Variants in SPACA6 observed in about 807,000 individuals in gnomAD.
The protein encoded by SPACA6 is sperm acrosome associated 6.
For missense variants in SPACA6, 8 were observed against 2.8 expected, an observed-to-expected ratio of 2.88 and a Z score of -1.34; for synonymous variants, 6 against 1.5, an observed-to-expected ratio of 4.05 and a Z score of -2.21.
chr19:51,700,825 T>C (rs546666369), intron 2 of SPACA6, among the ~76,000 whole-genome samples: 2 of 152,152 alleles, frequency 1.3e-5, no homozygotes, highest in South Asian at 4.2e-4. Context: ...CTTGGTTAGA[T>C]TTGTGGTGAT....
upstream of SPACA6, among the ~76,000 whole-genome samples, chr19:51,688,727 G>T (rs1054030315): frequency 6.6e-6 from 1 of 151,990 alleles, no homozygotes; most frequent in Non-Finnish European, 1.5e-5. Flanking sequence ...GAAAAGGGAA[G>T]AATAAATGGG....
intron 2 of SPACA6, among the ~76,000 whole-genome samples, chr19:51,698,774 T>C (rs954029866): frequency 6.6e-5 from 10 of 152,230 alleles, no homozygotes; most frequent in Admixed American, 6.5e-4. Context: ...GTCCCTGCAA[T>C]GGCTTTAAGC....
intron 2 of SPACA6, among the ~76,000 whole-genome samples, chr19:51,711,431 T>C (rs2083540821): frequency 6.6e-6 from 1 of 152,218 alleles, no homozygotes; most frequent in African/African-American, 2.4e-5. Context: ...CCCTCATACA[T>C]TGCTGGTGGG....
downstream of SPACA6, among the ~76,000 whole-genome samples, chr19:51,706,218 A>G (rs114870746): frequency 6.8e-3 from 1,034 of 151,870 alleles, 6 homozygotes; most frequent in African/African-American, 0.021. Flanking sequence ...CCTTCCTCGC[A>G]TTCATCATGA....
At chr19:51,684,590 A>C (rs991113253), upstream of SPACA6, among the ~76,000 whole-genome samples, 11 of 152,232 alleles carry the variant, frequency 7.2e-5, no homozygotes, top group Non-Finnish European at 1.2e-4. Context: ...ATGGTGTAAT[A>C]GGAGAATCTG....
intron 2 of SPACA6, among the ~76,000 whole-genome samples, chr19:51,697,147 T>G (rs1027466321): frequency 2.6e-5 from 4 of 152,176 alleles, no homozygotes; most frequent in Admixed American, 2.6e-4. Context: ...GAACACTCTT[T>G]GAGAATCACT....
intron 2 of SPACA6, among the ~76,000 whole-genome samples, chr19:51,698,372 C>A (rs16982931): frequency 6.6e-6 from 1 of 152,082 alleles, no homozygotes; most frequent in Non-Finnish European, 1.5e-5. Flanking sequence ...TTGGCCTGTT[C>A]GGAACATTTC....
At chr19:51,699,290 C>T (rs1321679953) in intron 2 of SPACA6, among the ~76,000 whole-genome samples, 1 of 152,118 alleles carries the variant, frequency 6.6e-6, no homozygotes. Context: ...ATTCCAGGTG[C>T]GGTACCACCT....
exon 3 of SPACA6, chr19:51,712,090 A>T (rs7252595): frequency 6.6e-6 from 1 of 152,102 alleles, no homozygotes; most frequent in Non-Finnish European, 1.5e-5. Context: ...CAGCTCACTG[A>T]AACCTCTGCC....
chr19:51,688,958 G>C (rs2083344562), upstream of SPACA6, among the ~76,000 whole-genome samples: 1 of 151,958 alleles, frequency 6.6e-6, no homozygotes, highest in South Asian at 2.1e-4. Context: ...GGGAGAGAGA[G>C]AGCGAGAGAG....
At chr19:51,693,136 T>C, upstream of SPACA6, 2 of 415,962 alleles carry the variant, frequency 4.8e-6, no homozygotes, top group Non-Finnish European at 4.8e-6. Flanking sequence ...CCGATATCTC[T>C]CTGTGTCTCT....
chr19:51,693,843 T>G, intron 1 of SPACA6, 103 bp downstream of exon 1: 1 of 400,638 alleles, frequency 2.5e-6, no homozygotes, highest in Non-Finnish European at 4.4e-6. Flanking sequence ...AGAGAAACAG[T>G]CAGAGGAGAA....
upstream of SPACA6, among the ~76,000 whole-genome samples, chr19:51,691,176 A>C (rs1374828633): frequency 7.1e-6 from 1 of 141,032 alleles, no homozygotes. Flanking sequence ...TCGAGCTGCG[A>C]GGGGGAGGGA....
At chr19:51,707,222 C>T (rs572889328), downstream of SPACA6, among the ~76,000 whole-genome samples, 2 of 142,524 alleles carry the variant, frequency 1.4e-5, no homozygotes, top group Middle Eastern at 3.3e-3. Context: ...AACTGTTTCT[C>T]TCTCTCCCTT....
downstream of SPACA6, among the ~76,000 whole-genome samples, chr19:51,707,562 T>C (rs965327589): frequency 2.0e-5 from 3 of 152,158 alleles, no homozygotes; most frequent in East Asian, 5.8e-4. Context: ...TGACACTACA[T>C]GTATGGGATT....
rs772824512 is a variant in SPACA6 at position 51,703,894 on chromosome 19, G to C, written c.574-136G>C. On this transcript the variant is annotated intron_variant, in intron 6 of 8. Transcript: ENST00000637797. This position sits in a 1 kb window ranked among gnomAD's most constrained non-coding sequence, Gnocchi z 4.2. Reference sequence around the variant, plus strand: ...GGGAAGGGGTGCGTTTAGGGCAGGGGAGCGAGAAGGCTCGGGGGCGGGCTC... The same window carrying C: ...GGGAAGGGGTGCGTTTAGGGCAGGGCAGCGAGAAGGCTCGGGGGCGGGCTC... 7.5e-6 allele frequency: 3 copies of C among 397,668 alleles called. No individual in the cohort carries two copies. The highest frequency in any genetic ancestry group is 1.3e-5 in the Non-Finnish European group (3 of 226,030). 24.6% of individuals were successfully genotyped at this position (397,668 alleles called of 1,614,324 possible). A position where few individuals can be genotyped will look rare whatever the true frequency, so the allele number is the denominator to read the frequency against.
downstream of SPACA6, among the ~76,000 whole-genome samples, chr19:51,708,487 C>T (rs112049741): frequency 2.5e-3 from 380 of 152,206 alleles, 6 homozygotes; most frequent in African/African-American, 8.7e-3. Flanking sequence ...TGAATAAAAA[C>T]TTGAAGGGGA....
intron 2 of SPACA6, 57 bp downstream of exon 2, chr19:51,694,612 G>C (rs1211241882): frequency 5.0e-6 from 2 of 399,380 alleles, no homozygotes; most frequent in African/African-American, 4.1e-5. Flanking sequence ...CTAAGAAATG[G>C]GTATGTGGGA....
upstream of SPACA6, among the ~76,000 whole-genome samples, chr19:51,684,432 C>G (rs1447763792): frequency 3.9e-5 from 6 of 152,284 alleles, no homozygotes; most frequent in East Asian, 1.2e-3. Flanking sequence ...CACCCATTTT[C>G]CCATGCCCTT....
Sources: gnomAD v4.1 joint callset for allele counts (sites outside exome capture counted in the v4.1 genomes callset) on GRCh38, gnomAD v4.1.1 for gene constraint, Gnocchi (gnomAD v3.1) non-coding constraint, MANE v1.5 for transcripts, NCBI Gene and HGNC (gene_info 2026-07-23, HGNC 2026-07-21) for gene names.